Variants in PCDHGB6 observed in about 807,000 individuals in gnomAD.
PCDHGB6 encodes protocadherin gamma-B6.
A neutral mutation model predicts 59.1 loss-of-function variants in PCDHGB6; 51 were observed. The observed-to-expected ratio is 0.86, with a 90% CI of 0.69 to 1.09. The LOEUF is 1.09. PCDHGB6 is among the 50% of genes least tolerant of loss of function. The pLI is 0.00. For synonymous variants in PCDHGB6, 466 were observed against 495.1 expected, an observed-to-expected ratio of 0.94 and a Z score of 0.78; for missense variants, 1,148 against 1,205.1, an observed-to-expected ratio of 0.95 and a Z score of 0.70.
intron 1 of PCDHGB6, chr5:141,478,694 T>G: frequency 1.3e-6 from 2 of 1,550,598 alleles, no homozygotes; most frequent in Non-Finnish European, 1.7e-6. Context: ...TAGATCAAAG[T>G]TAGTGCCTTT....
chr5:141,489,971 C>A lies in PCDHGB6; in HGVS notation c.2419-4836C>A, dbSNP rs1254025468. 1 of 1,614,060 alleles carries A rather than the reference C, an allele frequency of 6.2e-7. No homozygotes were observed. The highest frequency in any genetic ancestry group is 1.3e-5 in the African/African-American group (1 of 74,944). Reference sequence around the variant, plus strand: ...AATGATAATGCTCCAACCTTCCAATCCTCAGTTCTACGTGTGGGAATCCCA... The same window carrying A: ...AATGATAATGCTCCAACCTTCCAATACTCAGTTCTACGTGTGGGAATCCCA... On this transcript the variant is annotated intron_variant, in intron 1 of 3. Transcript: ENST00000520790. The surrounding 1 kb of genome is among the most constrained non-coding windows in gnomAD (Gnocchi z 4.5).
chr5:141,472,454 C>T (rs538141635), intron 1 of PCDHGB6, among the ~76,000 whole-genome samples: 3 of 151,192 alleles, frequency 2.0e-5, no homozygotes, highest in South Asian at 4.2e-4. Context: ...GCAGGAGAAT[C>T]GCTTGAACCC....
chr5:141,489,229 G>C lies in PCDHGB6; in HGVS notation c.2419-5578G>C. The C allele has an allele frequency of 6.6e-7, 1 of 1,522,252 alleles. No homozygotes were observed. Among genetic ancestry groups the C allele is most frequent in the Non-Finnish European group, 8.8e-7 (1 of 1,133,810 alleles). The allele number at this position is 1,522,252 out of a possible 1,614,324, so 94.3% of individuals were successfully genotyped here. On this transcript the variant is annotated intron_variant, in intron 1 of 3. Coordinates refer to ENST00000520790, the MANE Select transcript of PCDHGB6 (RefSeq NM_018926.3). This position sits in a 1 kb window ranked among gnomAD's most constrained non-coding sequence, Gnocchi z 4.5. ...AGCACAGACTTACTCTCCACAAAGG[G>C]ACTTCTGGGTCATGGGGCCCAAGAC...
At position 141,409,325 on chromosome 5, in the gene PCDHGB6, G is replaced by A. The variant is rs2095255437; in HGVS notation, c.1123G>A (p.Asp375Asn). ...VVALFKTRDLDFGGNGEVRCN... is the reference protein window; with the variant it reads ...VVALFKTRDLNFGGNGEVRCN... ...TGCCCTCTTCAAAACACGGGATCTG[G>A]ATTTCGGAGGAAATGGAGAAGTCAG... is the stretch of plus-strand genomic sequence containing the variant. The change falls in exon 1 of 4, where the codon GAT becomes AAT. Residue 375 changes from aspartate (D) to asparagine (N), a missense_variant. This residue lies in a region of PCDHGB6 where 549 missense variants were observed against 527.5 expected (regional missense o/e 1.04). Transcript: ENST00000520790. The A allele has an allele frequency of 6.2e-7, 1 of 1,613,984 alleles. No individual in the cohort carries two copies. The highest frequency in any genetic ancestry group is 8.5e-7 in the Non-Finnish European group (1 of 1,179,898).
chr5:141,468,486 TG>T (rs1562016448), intron 1 of PCDHGB6: 14 of 152,288 alleles, frequency 9.2e-5, no homozygotes. Context: ...GTAGGTCTCA[TG>T]GAAGATTTTC....
At chr5:141,426,621 C>G (rs984316174) in intron 1 of PCDHGB6, 1 of 392,280 alleles carries the variant, frequency 2.5e-6, no homozygotes, top group Non-Finnish European at 5.2e-6. Flanking sequence ...AGAGAATCCT[C>G]TAAATGTTTT....
intron 1 of PCDHGB6, among the ~76,000 whole-genome samples, chr5:141,450,572 T>C (rs1276283357): frequency 6.6e-6 from 1 of 151,710 alleles, no homozygotes; most frequent in Non-Finnish European, 1.5e-5. Context: ...CTGCAACTTC[T>C]GCCTCCCAGG....
At chr5:141,434,431 T>C (rs931458644) in intron 1 of PCDHGB6, among the ~76,000 whole-genome samples, 2 of 152,186 alleles carry the variant, frequency 1.3e-5, no homozygotes, top group African/African-American at 2.4e-5. Context: ...ATGATGGCCG[T>C]AATGCCCATG....
chr5:141,410,598 C>T lies in PCDHGB6; in HGVS notation c.2396C>T (p.Ser799Leu). 1.2e-6 allele frequency: 2 copies of T among 1,608,528 alleles called. No homozygotes were observed. Among genetic ancestry groups the T allele is most frequent in the Non-Finnish European group, 1.7e-6 (2 of 1,179,848 alleles). The change falls in exon 1 of 4, where the codon TCA becomes TTA. Residue 799 changes from serine (S) to leucine (L), a missense_variant. Coordinates refer to ENST00000520790, the MANE Select transcript of PCDHGB6 (RefSeq NM_018926.3). ...CCTCATGGTGGGGAGGATTTGACTT[C>T]ACATCCTGAGACTCTGACTTCGGTG... Reference protein sequence around the residue: ...IPPHGGEDLTSHPETLTSQAP... With the variant: ...IPPHGGEDLTLHPETLTSQAP...
At chr5:141,473,205 A>G (rs370808895) in intron 1 of PCDHGB6, among the ~76,000 whole-genome samples, 1 of 152,036 alleles carries the variant, frequency 6.6e-6, no homozygotes, top group African/African-American at 2.4e-5. Flanking sequence ...CTTCTAAAAA[A>G]TGCTTACTTC....
rs757755103 is a variant in PCDHGB6 at position 141,432,638 on chromosome 5, C to A, written c.2418+22018C>A. On this transcript the variant is annotated intron_variant, in intron 1 of 3. Coordinates refer to ENST00000520790, the MANE Select transcript of PCDHGB6 (RefSeq NM_018926.3). The surrounding 1 kb of genome is among the most constrained non-coding windows in gnomAD (Gnocchi z 6.0). ...GGTGGGTCTGCACACGGGCGAGGTG[C>A]GCACGGCGCGAGCCCTGCTGGACAG... The A allele has an allele frequency of 6.2e-6, 10 of 1,613,810 alleles. No homozygotes were observed. Among genetic ancestry groups the A allele is most frequent in the African/African-American group, 1.3e-5 (1 of 75,064 alleles).
At chr5:141,430,925 C>G (rs1313621122) in intron 1 of PCDHGB6, 2 of 1,607,162 alleles carry the variant, frequency 1.2e-6, no homozygotes, top group Non-Finnish European at 8.5e-7. Context: ...GGGGCTGGAG[C>G]CCCGGGAGCT....
At chr5:141,497,703 C>T (rs995815060) in intron 2 of PCDHGB6, among the ~76,000 whole-genome samples, 16 of 152,134 alleles carry the variant, frequency 1.1e-4, no homozygotes, top group African/African-American at 3.9e-4. Context: ...CCACACCCAG[C>T]TCATTTTTGT....
At position 141,409,941 on chromosome 5, in the gene PCDHGB6, G is replaced by T; in HGVS notation, c.1739G>T (p.Arg580Leu). 6.2e-7 allele frequency: 1 copy of T among 1,613,226 alleles called. No homozygotes were observed. Among genetic ancestry groups the T allele is most frequent in the South Asian group, 1.1e-5 (1 of 91,070 alleles). Residue 580 changes from arginine (R) to leucine (L), a missense_variant, in exon 1 of 4, where the codon CGC becomes CTC. This residue lies in a region of PCDHGB6 where 549 missense variants were observed against 527.5 expected (regional missense o/e 1.04). Coordinates refer to ENST00000520790, the MANE Select transcript of PCDHGB6 (RefSeq NM_018926.3). ...DGSAFFDMVP[R>L]SAEPGYLVTK... ...TCCGCGTTCTTCGATATGGTACCTC[G>T]CTCTGCAGAGCCCGGCTACCTAGTG...
chr5:141,419,769 C>T (rs773303779), intron 1 of PCDHGB6: 6 of 1,613,888 alleles, frequency 3.7e-6, no homozygotes, highest in Non-Finnish European at 4.2e-6. Context: ...GACAAGGACT[C>T]GGTCCGCCAG....
At position 141,490,359 on chromosome 5, in the gene PCDHGB6, T is replaced by A; in HGVS notation, c.2419-4448T>A. On this transcript the variant is annotated intron_variant, in intron 1 of 3. Coordinates refer to ENST00000520790, the MANE Select transcript of PCDHGB6 (RefSeq NM_018926.3). The surrounding 1 kb of genome is among the most constrained non-coding windows in gnomAD (Gnocchi z 5.4). ...TGGGCACAGTAGTGGGGTTGTTTAA[T>A]GTGCGAGACCGGGACTCAGGTAGAA... 6.2e-7 allele frequency: 1 copy of A among 1,614,212 alleles called. No individual in the cohort carries two copies. The highest frequency in any genetic ancestry group is 8.5e-7 in the Non-Finnish European group (1 of 1,180,036).
chr5:141,470,707 TA>T (rs1207543665), intron 1 of PCDHGB6, among the ~76,000 whole-genome samples: 1 of 152,164 alleles, frequency 6.6e-6, no homozygotes, highest in African/African-American at 2.4e-5. Flanking sequence ...ATTTTTATTT[TA>T]TTTTTTTGAG....
chr5:141,470,869 T>C (rs1215083835), intron 1 of PCDHGB6, among the ~76,000 whole-genome samples: 1 of 151,910 alleles, frequency 6.6e-6, no homozygotes, highest in African/African-American at 2.4e-5. Context: ...TTTGTTTGTT[T>C]GTTTTTTTGT....
chr5:141,500,434 C>T (rs1216731905), intron 2 of PCDHGB6, among the ~76,000 whole-genome samples: 1 of 152,014 alleles, frequency 6.6e-6, no homozygotes, highest in Non-Finnish European at 1.5e-5. Flanking sequence ...TGGTCTCGAT[C>T]TCCTGACCTC....
Sources: allele counts gnomAD v4.1 joint callset (sites outside exome capture counted in the v4.1 genomes callset), GRCh38; gene constraint gnomAD v4.1.1; regional missense constraint gnomAD v4.1.1; non-coding constraint Gnocchi (gnomAD v3.1); transcripts MANE v1.5; gene names NCBI Gene and HGNC (gene_info 2026-07-23, HGNC 2026-07-21).